The following CNTNAP5 variants were observed in gnomAD, a reference collection of about 807,000 sequenced individuals.
CNTNAP5 encodes contactin-associated protein-like 5.
A neutral mutation model predicts 150.2 loss-of-function variants in CNTNAP5; 72 were observed. The ratio of observed to expected loss-of-function variants is 0.48; its 90% confidence interval spans 0.40 to 0.58. The LOEUF (loss-of-function observed/expected upper bound fraction) is 0.58, where lower values mean the gene tolerates loss of function less well. CNTNAP5 is among the 20% of genes least tolerant of loss of function. The probability of loss-of-function intolerance (pLI) is 0.00; values close to 1 mark genes in which losing one functional copy is unlikely to be tolerated. For missense variants in CNTNAP5, 1,636 were observed against 1,626.2 expected, an observed-to-expected ratio of 1.01 and a Z score of -0.10; for synonymous variants, 672 against 619.8, an observed-to-expected ratio of 1.08 and a Z score of -1.25.
chr2:124,804,832 A>G (rs1682047917), intron 19 of CNTNAP5, among the ~76,000 whole-genome samples: 1 of 152,212 alleles, frequency 6.6e-6, no homozygotes, highest in Non-Finnish European at 1.5e-5. Context: ...ACAAAGGTCA[A>G]ATGAGATGAT....
At chr2:124,212,561 A>G (rs1372137979) in intron 1 of CNTNAP5, among the ~76,000 whole-genome samples, 1 of 152,152 alleles carries the variant, frequency 6.6e-6, no homozygotes, top group Non-Finnish European at 1.5e-5. Flanking sequence ...TACACTCAAT[A>G]ATATAAAAGG....
intron 8 of CNTNAP5, among the ~76,000 whole-genome samples, chr2:124,520,682 C>T (rs1299879006): frequency 6.6e-6 from 1 of 152,126 alleles, no homozygotes; most frequent in Non-Finnish European, 1.5e-5. Context: ...CTTAGTGCCC[C>T]ATATTGGCCC....
chr2:124,388,841 C>A (rs924216734), intron 3 of CNTNAP5, among the ~76,000 whole-genome samples: 1 of 152,034 alleles, frequency 6.6e-6, no homozygotes, highest in Non-Finnish European at 1.5e-5. Flanking sequence ...TTGTCATGCC[C>A]GGCTAATTTT....
chr2:124,265,846 AC>A lies in CNTNAP5; in HGVS notation c.381+23454del, dbSNP rs528838499. On this transcript the variant is annotated intron_variant, in intron 3 of 23. Coordinates refer to ENST00000682447, the MANE Select transcript of CNTNAP5 (RefSeq NM_001367498.1). ...TGCAGCATGAGAATGGTAAAAAAAA[AC>A]AGAGTCAGTCAGGTTACGGGTCAGT... is the stretch of plus-strand genomic sequence containing the variant. Among the ~76,000 whole-genome samples, 863 of 151,920 alleles carry A rather than the reference AC, an allele frequency of 5.7e-3. 7 individuals are homozygous for A. Among genetic ancestry groups the A allele is most frequent in the Middle Eastern group, 0.01 (3 of 294 alleles).
Position 124,859,619 on chromosome 2 carries a change from T to C in CNTNAP5, c.3218-5687T>C, listed in dbSNP as rs1171460516. On this transcript the variant is annotated intron_variant, in intron 19 of 23. Coordinates refer to ENST00000682447, the MANE Select transcript of CNTNAP5 (RefSeq NM_001367498.1). ...AAAGACACATGAACACGTATGTTTA[T>C]TGCAGCACTATTCACAATAGCAAAG... Among the ~76,000 whole-genome samples, 6 of 152,224 alleles carry C rather than the reference T, an allele frequency of 3.9e-5. No homozygotes were observed. The East Asian group carries it at 9.6e-4, about 24-fold the overall frequency.
intron 1 of CNTNAP5, among the ~76,000 whole-genome samples, chr2:124,171,734 G>A (rs558874934): frequency 1.3e-5 from 2 of 152,274 alleles, no homozygotes; most frequent in African/African-American, 4.8e-5. Context: ...TGTACACAGA[G>A]TAAATACAGA....
chr2:124,453,470 T>C (rs1267876646), intron 6 of CNTNAP5, among the ~76,000 whole-genome samples: 2 of 152,150 alleles, frequency 1.3e-5, no homozygotes, highest in Non-Finnish European at 2.9e-5. Context: ...GGGGGAATAA[T>C]CAAGGAAAAC....
chr2:124,421,409 G>A (rs1028906229), intron 4 of CNTNAP5, among the ~76,000 whole-genome samples: 1 of 152,208 alleles, frequency 6.6e-6, no homozygotes, highest in East Asian at 1.9e-4. Context: ...ACTCTGGGAA[G>A]CAGCCTTTGT....
At chr2:124,869,177 C>T (rs1453181815) in intron 20 of CNTNAP5, among the ~76,000 whole-genome samples, 2 of 152,162 alleles carry the variant, frequency 1.3e-5, no homozygotes, top group African/African-American at 2.4e-5. Flanking sequence ...TTTTGTCAGA[C>T]TGCAATCCTT....
At chr2:124,739,833 T>A (rs1437886031) in intron 13 of CNTNAP5, among the ~76,000 whole-genome samples, 2 of 151,926 alleles carry the variant, frequency 1.3e-5, no homozygotes, top group African/African-American at 4.8e-5. Flanking sequence ...TCATATTTTC[T>A]TACTCTGGGC....
At chr2:124,615,380 A>G (rs1677473908) in intron 12 of CNTNAP5, among the ~76,000 whole-genome samples, 2 of 152,178 alleles carry the variant, frequency 1.3e-5, no homozygotes, top group Non-Finnish European at 2.9e-5. Context: ...CATTTTAACA[A>G]TGTTTACAGC....
intron 1 of CNTNAP5, among the ~76,000 whole-genome samples, chr2:124,155,862 G>A (rs946526477): frequency 1.3e-5 from 2 of 152,174 alleles, no homozygotes; most frequent in Admixed American, 6.5e-5. Context: ...ATACTTCAGG[G>A]AAAGCAATTC....
chr2:124,342,417 A>G (rs1355426469), intron 3 of CNTNAP5, among the ~76,000 whole-genome samples: 1 of 152,146 alleles, frequency 6.6e-6, no homozygotes, highest in Admixed American at 6.6e-5. Flanking sequence ...TTTACTTACC[A>G]GCATGGCAGC....
At chr2:124,294,805 C>A (rs1688380593) in intron 3 of CNTNAP5, among the ~76,000 whole-genome samples, 2 of 152,170 alleles carry the variant, frequency 1.3e-5, no homozygotes, top group Admixed American at 6.5e-5. Context: ...TATAATGCAT[C>A]CATGGCTTTA....
chr2:124,741,414 A>G (rs371566063), intron 13 of CNTNAP5, among the ~76,000 whole-genome samples: 50 of 152,306 alleles, frequency 3.3e-4, no homozygotes, highest in African/African-American at 1.0e-3. Context: ...AATTGAAACA[A>G]TTGCAAGATT....
chr2:124,104,586 A>C (rs1171910612), intron 1 of CNTNAP5, among the ~76,000 whole-genome samples: 4 of 152,188 alleles, frequency 2.6e-5, no homozygotes, highest in African/African-American at 9.7e-5. Flanking sequence ...TGTCAAATCC[A>C]ATGAACATTT....
chr2:124,390,495 A>G (rs1431043790), intron 3 of CNTNAP5, among the ~76,000 whole-genome samples: 2 of 152,204 alleles, frequency 1.3e-5, no homozygotes, highest in Non-Finnish European at 2.9e-5. Flanking sequence ...GAGAAATAAC[A>G]CCACGAGGAC....
At chr2:124,195,859 G>A (rs879731499) in intron 1 of CNTNAP5, among the ~76,000 whole-genome samples, 11 of 152,020 alleles carry the variant, frequency 7.2e-5, no homozygotes, top group Admixed American at 2.6e-4. Flanking sequence ...CTATGGTTTC[G>A]GATGAGGAGC....
intron 3 of CNTNAP5, among the ~76,000 whole-genome samples, chr2:124,364,781 A>G (rs897439639): frequency 4.6e-5 from 7 of 152,234 alleles, no homozygotes; most frequent in Non-Finnish European, 1.0e-4. Flanking sequence ...AAAGAAAATA[A>G]AAAGTACCAG....
Sources: allele counts gnomAD v4.1 joint callset (sites outside exome capture counted in the v4.1 genomes callset), GRCh38; gene constraint gnomAD v4.1.1; transcripts MANE v1.5; gene names NCBI Gene and HGNC (gene_info 2026-07-23, HGNC 2026-07-21).